Variants in ATP2A3 observed in about 807,000 individuals in gnomAD.
The protein encoded by ATP2A3 is ATPase sarcoplasmic/endoplasmic reticulum Ca2+ transporting 3.
In ATP2A3, 61 loss-of-function variants were observed where a neutral mutation model predicts 106.8. That is an observed-to-expected ratio of 0.57 (90% CI 0.46 to 0.71). The LOEUF (loss-of-function observed/expected upper bound fraction) is 0.71, where lower values mean the gene tolerates loss of function less well. ATP2A3 is among the 30% of genes least tolerant of loss of function. ATP2A3 has a pLI of 0.00. For missense variants in ATP2A3, 1,201 were observed against 1,423.5 expected, an observed-to-expected ratio of 0.84 and a Z score of 2.52; for synonymous variants, 611 against 609.3, an observed-to-expected ratio of 1.00 and a Z score of -0.04.
At chr17:3,951,207 A>T (rs1283565045) in intron 5 of ATP2A3, 44 bp downstream of exon 5, 3 of 1,248,902 alleles carry the variant, frequency 2.4e-6, no homozygotes, top group African/African-American at 3.2e-5. Context: ...AAATAAATAA[A>T]TAAATAAAAT....
chr17:3,937,707 GC>G, intron 14 of ATP2A3, 71 bp from the exon 15 acceptor site: 1 of 1,461,728 alleles, frequency 6.8e-7, no homozygotes, highest in Non-Finnish European at 9.4e-7. Context: ...TCTCAACTCA[GC>G]CCACCCCCAA....
At chr17:3,950,847 G>A in intron 5 of ATP2A3, 74 bp from the exon 6 acceptor site, 1 of 1,467,768 alleles carries the variant, frequency 6.8e-7, no homozygotes, top group Non-Finnish European at 9.4e-7. Flanking sequence ...AGGGTTCCCA[G>A]AACCCAAGGC....
intron 17 of ATP2A3, among the ~76,000 whole-genome samples, chr17:3,932,050 T>C (rs867008391): frequency 6.6e-6 from 1 of 152,246 alleles, no homozygotes. Flanking sequence ...GAGAATCTGA[T>C]AATCTCTTAA....
Position 3,929,271 on chromosome 17 carries a change from A to G in ATP2A3, c.2862+57T>C. 2 of 1,449,522 alleles carry G rather than the reference A, an allele frequency of 1.4e-6. No homozygotes were observed. Among genetic ancestry groups the G allele is most frequent in the Non-Finnish European group, 1.9e-6 (2 of 1,059,640 alleles). The allele number at this position is 1,449,522 out of a possible 1,614,324, so 89.8% of individuals were successfully genotyped here. A position where few individuals can be genotyped will look rare whatever the true frequency, so the allele number is the denominator to read the frequency against. ...GGGGGGCCAGAGAGGTCCAGTGACC[A>G]GCCCAGGGCCTGTGATGTCCAGGGA... On this transcript the variant is annotated intron_variant, in intron 19 of 20. Transcript: ENST00000397041. This position sits in a 1 kb window ranked among gnomAD's most constrained non-coding sequence, Gnocchi z 4.3.
At chr17:3,957,514 T>G (rs2054851304) in intron 1 of ATP2A3, among the ~76,000 whole-genome samples, 1 of 152,310 alleles carries the variant, frequency 6.6e-6, no homozygotes, top group Admixed American at 6.5e-5. Context: ...CAAATCCTCC[T>G]GTCCAAAAGG....
chr17:3,942,765 C>G (rs1236324195), intron 11 of ATP2A3, 34 bp from the exon 12 acceptor site: 5 of 1,609,078 alleles, frequency 3.1e-6, no homozygotes, highest in Non-Finnish European at 4.2e-6. Flanking sequence ...GCATGAAGGA[C>G]AGAGCCAGCA....
intron 4 of ATP2A3, 28 bp downstream of exon 4, chr17:3,951,553 G>GCCCCCCCC: frequency 1.5e-6 from 1 of 647,376 alleles, no homozygotes; most frequent in Non-Finnish European, 2.1e-6. Flanking sequence ...ACCGCCCCCC[G>GCCCCCCCC]CCCGGTCCCA....
chr17:3,935,473 C>T (rs1053582533), intron 16 of ATP2A3, among the ~76,000 whole-genome samples, 196 bp from the exon 17 acceptor site: 2 of 152,086 alleles, frequency 1.3e-5, no homozygotes, highest in African/African-American at 4.8e-5. Flanking sequence ...TACCCTTGGC[C>T]CCAGTGCTTG....
chr17:3,928,576 C>A lies in ATP2A3; in HGVS notation c.2980+87G>T. 8.1e-7 allele frequency: 1 copy of A among 1,229,054 alleles called. No individual in the cohort carries two copies. Among genetic ancestry groups the A allele is most frequent in the East Asian group, 2.5e-5 (1 of 39,266 alleles). The allele number at this position is 1,229,054 out of a possible 1,614,324, so 76.1% of individuals were successfully genotyped here. A position where few individuals can be genotyped will look rare whatever the true frequency, so the allele number is the denominator to read the frequency against. On this transcript the variant is annotated intron_variant, in intron 20 of 20. Transcript: ENST00000397041. The surrounding 1 kb of genome is among the most constrained non-coding windows in gnomAD (Gnocchi z 6.1). Reference sequence around the variant, plus strand: ...CCGATGTGCAGACAGAGAGGCTCTGCGCTCCACACCCACAGCGTCCACTGC... The same window carrying A: ...CCGATGTGCAGACAGAGAGGCTCTGAGCTCCACACCCACAGCGTCCACTGC...
chr17:3,960,458 C>G (rs546986871), intron 1 of ATP2A3, among the ~76,000 whole-genome samples: 29 of 152,350 alleles, frequency 1.9e-4, no homozygotes, highest in African/African-American at 6.7e-4. Context: ...CCTGCCAGCT[C>G]CCTTGAACAG....
In ATP2A3 at chr17:3,930,524, C is replaced by CA; in HGVS notation, c.2611-91dup. 1 of 1,560,036 alleles carries CA rather than the reference C, an allele frequency of 6.4e-7. No individual in the cohort carries two copies. Among genetic ancestry groups the CA allele is most frequent in the Non-Finnish European group, 8.7e-7 (1 of 1,149,058 alleles). ...GGGAAGCCTCATCCTGCCCTTGGCC[C>CA]ACGCCTGGGCACAACCAGCACACAA... On this transcript the variant is annotated intron_variant, in intron 17 of 20. Coordinates refer to ENST00000397041, the MANE Select transcript of ATP2A3 (RefSeq NM_005173.4). The surrounding 1 kb of genome is among the most constrained non-coding windows in gnomAD (Gnocchi z 5.4).
At chr17:3,941,753 A>T in intron 12 of ATP2A3, 99 bp from the exon 13 acceptor site, 1 of 1,267,604 alleles carries the variant, frequency 7.9e-7, no homozygotes, top group Non-Finnish European at 1.1e-6. Context: ...ATACGGGCAA[A>T]GGCCACCCAA....
intron 8 of ATP2A3, among the ~76,000 whole-genome samples, chr17:3,946,999 CAG>C (rs1363947370): frequency 1.3e-5 from 2 of 152,222 alleles, no homozygotes; most frequent in Admixed American, 6.5e-5. Context: ...GTCGACTGCA[CAG>C]AGTCATGATG....
At chr17:3,938,217 T>G (rs147322202) in intron 14 of ATP2A3, among the ~76,000 whole-genome samples, 70 of 152,284 alleles carry the variant, frequency 4.6e-4, no homozygotes, top group African/African-American at 1.6e-3. Context: ...GTGGATGACC[T>G]GAGGTCAGGA....
rs764100735 is a variant in ATP2A3 at position 3,955,869 on chromosome 17, CTTATTTTATT to C, written c.119-2169_119-2160del. Among the ~76,000 whole-genome samples, 2 of 151,078 alleles carry C rather than the reference CTTATTTTATT, an allele frequency of 1.3e-5. No homozygotes were observed. Among genetic ancestry groups the C allele is most frequent in the Non-Finnish European group, 3.0e-5 (2 of 67,752 alleles). ...GCTGGTCTCTCAAGTTCTCCTTTCT[CTTATTTTATT>C]TTATTTTATTTTTTTTTTTTGAGAT... On this transcript the variant is annotated intron_variant, in intron 1 of 20. Transcript: ENST00000397041. This position sits in a 1 kb window ranked among gnomAD's most constrained non-coding sequence, Gnocchi z 4.2.
At chr17:3,939,919 C>A (rs574266337) in intron 14 of ATP2A3, among the ~76,000 whole-genome samples, 5 of 147,920 alleles carry the variant, frequency 3.4e-5, no homozygotes, top group Non-Finnish European at 5.9e-5. Context: ...AGATAAAACT[C>A]ATATACGGTG....
chr17:3,946,280 G>A (rs1241657599), intron 8 of ATP2A3, among the ~76,000 whole-genome samples: 5 of 147,842 alleles, frequency 3.4e-5, no homozygotes, highest in South Asian at 2.2e-4. Flanking sequence ...GGCCGGGCAC[G>A]GTGGCTCAGG....
At chr17:3,938,176 G>A (rs987233364) in intron 14 of ATP2A3, among the ~76,000 whole-genome samples, 11 of 152,216 alleles carry the variant, frequency 7.2e-5, no homozygotes, top group African/African-American at 2.2e-4. Context: ...GCTCACGCCT[G>A]TAATCCCAGC....
intron 17 of ATP2A3, among the ~76,000 whole-genome samples, chr17:3,933,014 G>C (rs2053200641): frequency 2.0e-5 from 3 of 151,812 alleles, no homozygotes; most frequent in Non-Finnish European, 4.4e-5. Context: ...GGGCACGGTG[G>C]CTCACGCCTG....
Sources: gnomAD v4.1 joint callset for allele counts (sites outside exome capture counted in the v4.1 genomes callset) on GRCh38, gnomAD v4.1.1 for gene constraint, Gnocchi (gnomAD v3.1) non-coding constraint, MANE v1.5 for transcripts, NCBI Gene and HGNC (gene_info 2026-07-23, HGNC 2026-07-21) for gene names.